OR14I1: variants seen among roughly 807,000 people sequenced by gnomAD.
OR14I1 encodes olfactory receptor family 14 subfamily I member 1.
For missense variants in OR14I1, 279 were observed against 181.8 expected (o/e 1.53, Z -3.07); for synonymous variants, 118 against 71.1 (o/e 1.66, Z -3.32).
At chr1:248,698,364 C>T in the OR14I1 span, among the ~76,000 whole-genome samples, 1 of 152,172 alleles carries the variant, frequency 6.6e-6, no homozygotes, top group African/African-American at 2.4e-5. Context: ...CAATCACAGT[C>T]GTAGCTTTTT....
At chr1:248,690,099 G>A in the OR14I1 span, among the ~76,000 whole-genome samples, 1 of 152,200 alleles carries the variant, frequency 6.6e-6, no homozygotes, top group Non-Finnish European at 1.5e-5. Flanking sequence ...GAAATTTATA[G>A]CATTACATGG....
the OR14I1 span, among the ~76,000 whole-genome samples, chr1:248,694,559 A>T: frequency 6.6e-6 from 1 of 152,108 alleles, no homozygotes; most frequent in Non-Finnish European, 1.5e-5. Flanking sequence ...TCCCCTTAAA[A>T]GTACATCTTG....
At chr1:248,700,724 A>G in the OR14I1 span, among the ~76,000 whole-genome samples, 3 of 152,322 alleles carry the variant, frequency 2.0e-5, no homozygotes, top group African/African-American at 7.2e-5. Flanking sequence ...CAGTTTTCTC[A>G]AACACTCTAT....
At chr1:248,689,496 A>C in the OR14I1 span, among the ~76,000 whole-genome samples, 48 of 152,188 alleles carry the variant, frequency 3.2e-4, no homozygotes, top group African/African-American at 1.1e-3. Flanking sequence ...TCAAAACATA[A>C]ATTTGCAGAG....
chr1:248,690,627 C>CAAGAA, the OR14I1 span, among the ~76,000 whole-genome samples: 2 of 127,334 alleles, frequency 1.6e-5, no homozygotes, highest in South Asian at 2.4e-4. Context: ...AAAAAAAGCC[C>CAAGAA]AGGAACAGAC....
downstream of OR14I1, among the ~76,000 whole-genome samples, chr1:248,680,983 T>C (rs942182120): frequency 3.3e-5 from 5 of 151,450 alleles, no homozygotes; most frequent in Admixed American, 1.3e-4. Flanking sequence ...TGTGTGTGTG[T>C]GTGTGTGTGT....
At chr1:248,692,528 G>T in the OR14I1 span, 1 of 152,906 alleles carries the variant, frequency 6.5e-6, no homozygotes. Context: ...CGGCATTTCT[G>T]CCTTCATTCT....
downstream of OR14I1, among the ~76,000 whole-genome samples, chr1:248,679,934 C>T (rs1386977673): frequency 1.3e-5 from 2 of 152,086 alleles, no homozygotes; most frequent in African/African-American, 2.4e-5. Context: ...TTTTATTATG[C>T]AATAAAACAT....
chr1:248,678,987 T>C (rs759116867), downstream of OR14I1, among the ~76,000 whole-genome samples: 1 of 152,222 alleles, frequency 6.6e-6, no homozygotes, highest in Non-Finnish European at 1.5e-5. Flanking sequence ...CAAGTACCTC[T>C]AAACAGTTCA....
the OR14I1 span, among the ~76,000 whole-genome samples, chr1:248,695,673 CCTT>C: frequency 6.6e-6 from 1 of 152,136 alleles, no homozygotes; most frequent in South Asian, 2.1e-4. Flanking sequence ...CTCTGCTTCT[CCTT>C]CTCTTCATGG....
chr1:248,700,519 C>T, the OR14I1 span, among the ~76,000 whole-genome samples: 11 of 152,208 alleles, frequency 7.2e-5, no homozygotes, highest in African/African-American at 2.4e-4. Flanking sequence ...GAAAATCAAA[C>T]TCATGGCATA....
chr1:248,702,496 T>G, the OR14I1 span, among the ~76,000 whole-genome samples: 4 of 152,206 alleles, frequency 2.6e-5, no homozygotes, highest in Admixed American at 2.6e-4. Flanking sequence ...GTATCTACTT[T>G]CAGAGTATCT....
chr1:248,695,111 T>C, the OR14I1 span, among the ~76,000 whole-genome samples: 15 of 152,240 alleles, frequency 9.9e-5, no homozygotes, highest in African/African-American at 2.9e-4. Context: ...TGCTGAGAAA[T>C]TATGAATTGG....
the OR14I1 span, among the ~76,000 whole-genome samples, chr1:248,700,731 C>G: frequency 6.6e-6 from 1 of 152,200 alleles, no homozygotes; most frequent in Non-Finnish European, 1.5e-5. Flanking sequence ...CTCAAACACT[C>G]TATGAAAAGT....
downstream of OR14I1, among the ~76,000 whole-genome samples, chr1:248,679,422 GT>G (rs1354628069): frequency 6.6e-6 from 1 of 151,278 alleles, no homozygotes; most frequent in Non-Finnish European, 1.5e-5. Context: ...ATATTAGTAT[GT>G]TTAGTACTAA....
At chr1:248,680,682 G>C (rs959297483), downstream of OR14I1, among the ~76,000 whole-genome samples, 1 of 152,110 alleles carries the variant, frequency 6.6e-6, no homozygotes, top group Non-Finnish European at 1.5e-5. Flanking sequence ...ATTAACACAG[G>C]TGTAGAAACT....
chr1:248,690,316 T>C, the OR14I1 span, among the ~76,000 whole-genome samples: 2 of 151,636 alleles, frequency 1.3e-5, no homozygotes, highest in Non-Finnish European at 2.9e-5. Flanking sequence ...ACTAACAAAA[T>C]AGATAGACCA....
chr1:248,695,911 T>C, the OR14I1 span, among the ~76,000 whole-genome samples: 2 of 152,250 alleles, frequency 1.3e-5, no homozygotes, highest in Non-Finnish European at 2.9e-5. Flanking sequence ...AAGAGTTTCA[T>C]GCCAGAGAAT....
chr1:248,681,429 AT>A lies in OR14I1; in HGVS notation c.875del (p.Asn292IlefsTer13), dbSNP rs1317998084. The A allele has an allele frequency of 3.8e-6, 3 of 780,300 alleles. No individual in the cohort carries two copies. In the African/African-American group the frequency reaches 5.1e-5, roughly 13 times the overall value. The allele number at this position is 780,300 out of a possible 1,614,324, so 48.3% of individuals were successfully genotyped here. The stretch of plus-strand genomic sequence containing the variant: ...TCCACATGGCTGTTTTAATCTCCTT[AT>A]TCCTAAGACTATATATGATGGGATT... On this transcript the variant is annotated frameshift_variant, in exon 1 of 1. Coordinates refer to ENST00000342623, the Ensembl canonical transcript of OR14I1. LOFTEE classifies it low-confidence loss of function (END_TRUNC).
Sources: gnomAD v4.1 joint callset for allele counts (sites outside exome capture counted in the v4.1 genomes callset) on GRCh38, gnomAD v4.1.1 for gene constraint, MANE v1.5 for transcripts, NCBI Gene and HGNC (gene_info 2026-07-23, HGNC 2026-07-21) for gene names.